Variants in EMC2 observed in about 807,000 individuals in gnomAD.
EMC2 encodes the protein ER membrane protein complex subunit 2.
A neutral mutation model predicts 51.6 loss-of-function variants in EMC2; 37 were observed. That is an observed-to-expected ratio of 0.72 (90% CI 0.55 to 0.94). The LOEUF is 0.94. EMC2 is among the 40% of genes least tolerant of loss of function. The pLI, the probability that EMC2 is intolerant of heterozygous loss-of-function variation, is 0.00. For synonymous variants in EMC2, 131 were observed against 112.4 expected (o/e 1.17, Z -1.04); for missense variants, 359 against 350.9 (o/e 1.02, Z -0.18).
At chr8:108,450,562 A>G (rs4540386) in intron 3 of EMC2, 70 bp downstream of exon 3, 588,006 of 902,314 alleles carry the variant, frequency 0.65, 194,081 homozygotes, top group African/African-American at 0.81. Flanking sequence ...GACTTAATGT[A>G]TGGCTTATAT....
chr8:108,470,147 TG>T, intron 7 of EMC2, 26 bp downstream of exon 7: 1 of 1,537,000 alleles, frequency 6.5e-7, no homozygotes, highest in South Asian at 1.1e-5. Flanking sequence ...CACAACATTT[TG>T]TTGAGTGCAG....
intron 5 of EMC2, among the ~76,000 whole-genome samples, chr8:108,463,214 T>C (rs1819373084): frequency 6.6e-6 from 1 of 152,200 alleles, no homozygotes; most frequent in African/African-American, 2.4e-5. Flanking sequence ...CAGTTAGTTT[T>C]AGAGATAATG....
rs886679856 is a variant in EMC2 at position 108,481,982 on chromosome 8, A to G, written c.807+2872A>G. On this transcript the variant is annotated intron_variant, in intron 10 of 10. Coordinates refer to ENST00000220853, the MANE Select transcript of EMC2 (RefSeq NM_014673.5). ...GGCTATTTTGAATAAACTATACTGA[A>G]TATTGCTGTACAGGTCTTTTGGTGG... Among the ~76,000 whole-genome samples the G allele has an allele frequency of 4.6e-5, 7 of 152,320 alleles. No individual in the cohort carries two copies. The South Asian group carries it at 8.3e-4, about 18-fold the overall frequency.
chr8:108,471,517 AGTTT>A (rs2130391764), intron 7 of EMC2, among the ~76,000 whole-genome samples: 1 of 151,974 alleles, frequency 6.6e-6, no homozygotes, highest in African/African-American at 2.4e-5. Flanking sequence ...AGTTAACTAT[AGTTT>A]GTTTGGTTTT....
rs531455434 is a variant in EMC2 at position 108,447,096 on chromosome 8, T to C, written c.41-2727T>C. Among the ~76,000 whole-genome samples the C allele has an allele frequency of 3.3e-5, 5 of 152,310 alleles. No individual in the cohort carries two copies. The East Asian group carries it at 9.6e-4, about 29-fold the overall frequency. ...AAATTAACTCATACTCAATTAAGTA[T>C]ACCTATACATGAATCTTTGAGTGTA... On this transcript the variant is annotated intron_variant, in intron 1 of 10. Coordinates refer to ENST00000220853, the MANE Select transcript of EMC2 (RefSeq NM_014673.5).
intron 5 of EMC2, among the ~76,000 whole-genome samples, chr8:108,466,613 A>C (rs1028289590): frequency 7.9e-5 from 12 of 151,982 alleles, no homozygotes; most frequent in Admixed American, 7.9e-4. Context: ...CACCACACCC[A>C]AGTAATCTTT....
intron 1 of EMC2, among the ~76,000 whole-genome samples, chr8:108,447,813 C>T (rs1818914515): frequency 6.6e-6 from 1 of 151,942 alleles, no homozygotes; most frequent in Non-Finnish European, 1.5e-5. Context: ...CTTTGAGGAG[C>T]GAGCTTTTTG....
intron 3 of EMC2, among the ~76,000 whole-genome samples, chr8:108,451,015 A>G (rs991183684): frequency 3.0e-4 from 45 of 152,174 alleles, no homozygotes; most frequent in African/African-American, 1.1e-3. Context: ...CAGCCTGGCC[A>G]ACGTGGTGAA....
At chr8:108,481,645 A>G (rs1811046541) in intron 10 of EMC2, among the ~76,000 whole-genome samples, 3 of 152,158 alleles carry the variant, frequency 2.0e-5, no homozygotes, top group Admixed American at 2.0e-4. Context: ...CAAGTCATAA[A>G]TGTGCCTTTC....
chr8:108,444,060 TG>T (rs775573287), intron 1 of EMC2, among the ~76,000 whole-genome samples: 3 of 152,196 alleles, frequency 2.0e-5, no homozygotes, highest in Non-Finnish European at 4.4e-5. Flanking sequence ...GAAGCTTCTT[TG>T]GAGCCAAGAA....
intron 5 of EMC2, among the ~76,000 whole-genome samples, chr8:108,461,125 T>A (rs761043392): frequency 7.9e-5 from 12 of 152,212 alleles, no homozygotes; most frequent in Non-Finnish European, 1.8e-4. Context: ...CAAAGCAACT[T>A]AGTATCTCAA....
chr8:108,472,516 C>A (rs1810874858), intron 7 of EMC2, among the ~76,000 whole-genome samples: 1 of 150,478 alleles, frequency 6.6e-6, no homozygotes, highest in Admixed American at 6.7e-5. Context: ...GGTCTTAAAG[C>A]TAGTTAGTTA....
intron 5 of EMC2, among the ~76,000 whole-genome samples, chr8:108,460,956 A>G (rs1181169490): frequency 6.6e-6 from 1 of 152,208 alleles, no homozygotes; most frequent in Non-Finnish European, 1.5e-5. Context: ...AAGAGTAGAG[A>G]TACTGTTTCT....
chr8:108,484,489 A>G (rs1282530565), intron 10 of EMC2, among the ~76,000 whole-genome samples: 3 of 152,064 alleles, frequency 2.0e-5, no homozygotes, highest in African/African-American at 7.2e-5. Flanking sequence ...AGCTAATTTT[A>G]AAAGATCACA....
In EMC2 at chr8:108,478,998, G is replaced by C. The variant is rs1396133487; in HGVS notation, c.703-8G>C. 1 of 1,528,994 alleles carries C rather than the reference G, an allele frequency of 6.5e-7. No individual in the cohort carries two copies. Among genetic ancestry groups the C allele is most frequent in the East Asian group, 2.4e-5 (1 of 41,734 alleles). 94.7% of individuals were successfully genotyped at this position (1,528,994 alleles called of 1,614,324 possible). On this transcript the variant is annotated splice_region_variant and splice_polypyrimidine_tract_variant and intron_variant, in intron 9 of 10. Transcript: ENST00000220853. ...AATTTTGCTTTTGATGTTTTTATTT[G>C]TTTTTAGTCGGCAAGTCATATTGCT...
At chr8:108,462,054 G>C (rs551750424) in intron 5 of EMC2, among the ~76,000 whole-genome samples, 1 of 152,252 alleles carries the variant, frequency 6.6e-6, no homozygotes, top group South Asian at 2.1e-4. Context: ...TGATCTGCCT[G>C]CCTCAGCCTC....
chr8:108,457,506 G>A (rs546983933), intron 5 of EMC2, among the ~76,000 whole-genome samples: 2 of 152,036 alleles, frequency 1.3e-5, no homozygotes, highest in African/African-American at 2.4e-5. Context: ...TGGCTGGGGA[G>A]GCCTCACAAT....
At chr8:108,474,366 A>G (rs1253039267) in intron 7 of EMC2, 1 of 151,988 alleles carries the variant, frequency 6.6e-6, no homozygotes, top group African/African-American at 2.4e-5. Flanking sequence ...TAAGGTAGAG[A>G]CAAATTTTCC....
chr8:108,482,034 T>C (rs1811052591), intron 10 of EMC2, among the ~76,000 whole-genome samples: 2 of 152,196 alleles, frequency 1.3e-5, no homozygotes, highest in Admixed American at 1.3e-4. Context: ...TGTATACCTT[T>C]GAGTGAAAAT....
Sources: allele counts gnomAD v4.1 joint callset (sites outside exome capture counted in the v4.1 genomes callset), GRCh38; gene constraint gnomAD v4.1.1; transcripts MANE v1.5; gene names NCBI Gene and HGNC (gene_info 2026-07-23, HGNC 2026-07-21).